The following DYM variants were observed in gnomAD, a reference collection of about 807,000 sequenced individuals.
The protein encoded by DYM is dymeclin.
A neutral mutation model predicts 93.1 loss-of-function variants in DYM; 78 were observed. That is an observed-to-expected ratio of 0.84 (90% CI 0.70 to 1.01). The LOEUF is 1.01. Among genes scored for constraint, DYM ranks in the 50% least tolerant of loss-of-function variants. DYM has a pLI of 0.00. For synonymous variants in DYM, 321 were observed against 319.7 expected (o/e 1.00, Z -0.04); for missense variants, 789 against 845.0 (o/e 0.93, Z 0.82).
At position 49,089,624 on chromosome 18, in the gene DYM, G is replaced by A. The variant is rs141746516; in HGVS notation, c.2025+7778C>T. ...CCAAATCTGGCAGGTTATCAGCACTGCTCAAAGAACTGTTTAACCAGACAG... is the reference window on the plus strand; with the variant it reads ...CCAAATCTGGCAGGTTATCAGCACTACTCAAAGAACTGTTTAACCAGACAG... On this transcript the variant is annotated intron_variant, in intron 17 of 17. Transcript: ENST00000675505. 2.7e-3 allele frequency among the ~76,000 whole-genome samples: 413 copies of A among 152,308 alleles called. 5 individuals are homozygous for A. The highest frequency in any genetic ancestry group is 9.0e-3 in the African/African-American group (376 of 41,572).
rs1555678765 is a variant in DYM, at chr18:49,289,776, C to CACAT, written c.764-3161_764-3160insATGT. Among the ~76,000 whole-genome samples, 677 of 85,182 alleles carry CACAT rather than the reference C, an allele frequency of 7.9e-3. 13 individuals are homozygous for CACAT. The highest frequency in any genetic ancestry group is 0.027 in the African/African-American group (470 of 17,268). The allele number at this position is 85,182 out of a possible 152,430, so 55.9% of individuals were successfully genotyped here. A position where few individuals can be genotyped will look rare whatever the true frequency, so the allele number is the denominator to read the frequency against. On this transcript the variant is annotated intron_variant, in intron 8 of 17. Coordinates refer to ENST00000675505, the MANE Select transcript of DYM (RefSeq NM_001353214.3). ...ATATATATATATATATATATATACA[C>CACAT]ATATATATATATACACACATATATA...
At chr18:49,117,401 A>G (rs1196625222) in intron 16 of DYM, among the ~76,000 whole-genome samples, 1 of 152,166 alleles carries the variant, frequency 6.6e-6, no homozygotes, top group Non-Finnish European at 1.5e-5. Flanking sequence ...TGTAGGTTAA[A>G]CTCACATTTA....
At chr18:49,055,282 A>T (rs1200160840) in intron 17 of DYM, among the ~76,000 whole-genome samples, 1 of 152,134 alleles carries the variant, frequency 6.6e-6, no homozygotes, top group Non-Finnish European at 1.5e-5. Context: ...GCACGGAGGC[A>T]GCCTTGAGGG....
intron 13 of DYM, among the ~76,000 whole-genome samples, chr18:49,218,570 G>A (rs1222814403): frequency 9.2e-5 from 14 of 152,096 alleles, no homozygotes; most frequent in South Asian, 4.2e-4. Context: ...AGACCACAGT[G>A]CAATGAAACT....
chr18:49,298,458 G>A (rs187306385), intron 8 of DYM, among the ~76,000 whole-genome samples: 255 of 152,000 alleles, frequency 1.7e-3, no homozygotes, highest in Non-Finnish European at 2.9e-3. Context: ...GCGGGCACCT[G>A]TAATCCCAGC....
In DYM at chr18:49,197,454, G is replaced by GCA. The variant is rs2091570158; in HGVS notation, c.1625+12096_1625+12097insTG. On this transcript the variant is annotated intron_variant, in intron 14 of 17. Transcript: ENST00000675505. ...TCATCTGTTGAGGTCAAGTAAAGAAGGCGGTGAAGTTTCTCAAAATGTGCC... is the reference window on the plus strand; with the variant it reads ...TCATCTGTTGAGGTCAAGTAAAGAAGCAGCGGTGAAGTTTCTCAAAATGTGCC... 3.3e-5 allele frequency among the ~76,000 whole-genome samples: 5 copies of GCA among 152,110 alleles called. No individual in the cohort carries two copies. In the South Asian group the frequency reaches 1.0e-3, roughly 32 times the overall value.
At chr18:49,301,512 C>T (rs980033244) in intron 8 of DYM, among the ~76,000 whole-genome samples, 1 of 141,036 alleles carries the variant, frequency 7.1e-6, no homozygotes, top group African/African-American at 2.7e-5. Flanking sequence ...CAGAGTGAGA[C>T]TCCGTCTCAG....
At chr18:49,172,135 T>TC (rs1177858031) in intron 14 of DYM, among the ~76,000 whole-genome samples, 1 of 152,194 alleles carries the variant, frequency 6.6e-6, no homozygotes. Context: ...CCTTAGGTAC[T>TC]CTTTTGTGTC....
intron 15 of DYM, among the ~76,000 whole-genome samples, chr18:49,133,183 C>T (rs1014020152): frequency 6.6e-6 from 1 of 152,092 alleles, no homozygotes; most frequent in Non-Finnish European, 1.5e-5. Flanking sequence ...TCCAGGGACC[C>T]ATTTATAAAT....
At chr18:49,319,559 C>T (rs895977417) in intron 8 of DYM, among the ~76,000 whole-genome samples, 13 of 152,174 alleles carry the variant, frequency 8.5e-5, no homozygotes, top group African/African-American at 3.1e-4. Context: ...GAATGGTAAA[C>T]GAGTATTTGT....
chr18:49,153,006 T>G (rs1194319130), intron 15 of DYM, among the ~76,000 whole-genome samples: 4 of 152,140 alleles, frequency 2.6e-5, no homozygotes, highest in Non-Finnish European at 5.9e-5. Flanking sequence ...TTCAGTTATG[T>G]AAGATGAGTA....
At chr18:49,071,314 T>C (rs1303557850) in intron 17 of DYM, among the ~76,000 whole-genome samples, 1 of 152,238 alleles carries the variant, frequency 6.6e-6, no homozygotes, top group Non-Finnish European at 1.5e-5. Flanking sequence ...CCAAAAATAC[T>C]GTCTTTTGCA....
chr18:49,417,797 G>A (rs1028761195), intron 2 of DYM: 1 of 152,138 alleles, frequency 6.6e-6, no homozygotes, highest in Admixed American at 6.5e-5. Flanking sequence ...AGCTCTGGCT[G>A]GGCGTGTAAT....
intron 13 of DYM, among the ~76,000 whole-genome samples, chr18:49,248,223 T>G (rs1399251994): frequency 2.6e-5 from 4 of 152,258 alleles, no homozygotes; most frequent in Non-Finnish European, 4.4e-5. Context: ...AGTGAGATCT[T>G]CATTTTCTTT....
At position 49,430,439 on chromosome 18, in the gene DYM, A is replaced by G. The variant is rs780055942; in HGVS notation, c.-45T>C. 1 of 1,609,288 alleles carries G rather than the reference A, an allele frequency of 6.2e-7. No individual in the cohort carries two copies. The highest frequency in any genetic ancestry group is 8.5e-7 in the Non-Finnish European group (1 of 1,179,114). On this transcript the variant is annotated 5_prime_UTR_variant, in exon 2 of 18. Transcript: ENST00000675505. The stretch of plus-strand genomic sequence containing the variant: ...ATTTGTCCTTAAACCTGCATTTCCA[A>G]AAGACAACCTATAAAAAATAAAAAT...
intron 17 of DYM, among the ~76,000 whole-genome samples, chr18:49,070,986 AATGAGAGGCTGT>A (rs1223964627): frequency 6.6e-6 from 1 of 152,212 alleles, no homozygotes; most frequent in African/African-American, 2.4e-5. Flanking sequence ...GACTGTTAGC[AATGAGAGGCTGT>A]ATGGTGGAAT....
chr18:49,211,760 T>C (rs1464457413), intron 13 of DYM, among the ~76,000 whole-genome samples: 1 of 152,174 alleles, frequency 6.6e-6, no homozygotes, highest in African/African-American at 2.4e-5. Flanking sequence ...GACAGATTAT[T>C]AGACAAAACA....
chr18:49,183,042 T>A lies in DYM; in HGVS notation c.1626-19255A>T, dbSNP rs561982848. ...AGGAACACTGGAGAAAACCAAAGAT[T>A]TTTAATGTAATGTTTTTCCTTACTT... On this transcript the variant is annotated intron_variant, in intron 14 of 17. Coordinates refer to ENST00000675505, the MANE Select transcript of DYM (RefSeq NM_001353214.3). Among the ~76,000 whole-genome samples, 31 of 152,324 alleles carry A rather than the reference T, an allele frequency of 2.0e-4. 2 individuals carry two copies. The South Asian group carries it at 6.2e-3, about 31-fold the overall frequency.
intron 1 of DYM, among the ~76,000 whole-genome samples, chr18:49,439,654 C>T (rs2081153989): frequency 6.6e-6 from 1 of 152,048 alleles, no homozygotes; most frequent in Admixed American, 6.6e-5. Context: ...GTACAATATG[C>T]TAATTAAAAC....
Sources: allele counts gnomAD v4.1 joint callset (sites outside exome capture counted in the v4.1 genomes callset), GRCh38; gene constraint gnomAD v4.1.1; transcripts MANE v1.5; gene names NCBI Gene and HGNC (gene_info 2026-07-23, HGNC 2026-07-21).